Variants in IARS1 observed in about 807,000 individuals in gnomAD.
IARS1 encodes isoleucine--tRNA ligase, cytoplasmic.
IARS1 carries 124 observed loss-of-function variants against 168.2 expected under a neutral mutation model. The ratio of observed to expected loss-of-function variants is 0.74; its 90% confidence interval spans 0.64 to 0.86. The LOEUF (loss-of-function observed/expected upper bound fraction) is 0.86. Ranked by LOEUF, IARS1 falls within the 40% of genes least tolerant of loss-of-function variation. IARS1 has a pLI of 0.00. For missense variants in IARS1, 1,452 were observed against 1,515.8 expected, an observed-to-expected ratio of 0.96 and a Z score of 0.70; for synonymous variants, 532 against 529.4, an observed-to-expected ratio of 1.00 and a Z score of -0.07.
rs777991533 is a variant in IARS1 at position 92,247,543 on chromosome 9, A to G, written c.2625T>C (p.Asn875=). 75 of 1,613,036 alleles carry G rather than the reference A, an allele frequency of 4.6e-5. No individual in the cohort carries two copies. The highest frequency in any genetic ancestry group is 3.3e-4 in the Middle Eastern group (2 of 6,066). Residue 875 remains asparagine, a synonymous_variant, in exon 26 of 34, where the codon AAT becomes AAC. Coordinates refer to ENST00000443024, the MANE Select transcript of IARS1 (RefSeq NM_002161.6). ...SLEKYIIEEL[N]VRKVTLSTDK... is the part of the protein sequence containing the mutation. ...CTGTAGACAGTGTAACTTTTCGAAC[A>G]TTGAGTTCCTACAGTTAATGCACAA...
intron 23 of IARS1, 30 bp from the exon 24 acceptor site, chr9:92,250,319 G>A (rs771802013): frequency 7.3e-7 from 1 of 1,373,724 alleles, no homozygotes; most frequent in South Asian, 1.2e-5. Flanking sequence ...ATATGAAAGA[G>A]TTTAGATTTA....
chr9:92,250,685 G>T, intron 23 of IARS1, 28 bp downstream of exon 23: 1 of 1,573,588 alleles, frequency 6.4e-7, no homozygotes, highest in Non-Finnish European at 8.6e-7. Flanking sequence ...CTTGGCACAG[G>T]TGAGGCTTAT....
At chr9:92,242,410 G>A (rs1828571516) in intron 28 of IARS1, 80 bp from the exon 29 acceptor site, 1 of 1,116,180 alleles carries the variant, frequency 9.0e-7, no homozygotes, top group African/African-American at 1.6e-5. Context: ...TTGAACAAGG[G>A]CTACAGATCC....
Position 92,243,294 on chromosome 9 carries a change from A to T in IARS1, c.2922T>A (p.Asp974Glu). ...HSDAQALVLL[D>E]VTPDQSMVDE... ...CTACCATTGACTGGTCAGGAGTGAC[A>T]TCTAAGAGGACCAAAGCCTGTGGGA... Residue 974 changes from aspartate to glutamate, a missense_variant, in exon 28 of 34, where the codon GAT becomes GAA. Coordinates refer to ENST00000443024, the MANE Select transcript of IARS1 (RefSeq NM_002161.6). The T allele has an allele frequency of 1.2e-6, 2 of 1,613,122 alleles. No homozygotes were observed. Among genetic ancestry groups the T allele is most frequent in the Non-Finnish European group, 1.7e-6 (2 of 1,179,146 alleles).
At chr9:92,221,863 G>A (rs199618245) in intron 33 of IARS1, among the ~76,000 whole-genome samples, 210 of 152,232 alleles carry the variant, frequency 1.4e-3, no homozygotes, top group African/African-American at 4.8e-3. Context: ...TGTAATGTCA[G>A]GCTATTTTAC....
chr9:92,277,258 G>GA (rs1833897087), intron 9 of IARS1, among the ~76,000 whole-genome samples: 1 of 152,114 alleles, frequency 6.6e-6, no homozygotes, highest in African/African-American at 2.4e-5. Flanking sequence ...CCAAGATGGT[G>GA]AAACCCCATC....
intron 8 of IARS1, 111 bp from the exon 9 acceptor site, chr9:92,278,034 T>A: frequency 8.7e-7 from 1 of 1,149,106 alleles, no homozygotes; most frequent in Non-Finnish European, 1.3e-6. Context: ...CCCTAGCCAT[T>A]CATGCTGTAA....
At chr9:92,212,831 G>C (rs1837979207) in intron 33 of IARS1, among the ~76,000 whole-genome samples, 1 of 152,170 alleles carries the variant, frequency 6.6e-6, no homozygotes, top group African/African-American at 2.4e-5. Flanking sequence ...AGAGCAGGAA[G>C]GATCTTGTGT....
chr9:92,283,536 C>T (rs1049995814), intron 6 of IARS1, among the ~76,000 whole-genome samples: 17 of 152,074 alleles, frequency 1.1e-4, no homozygotes, highest in Admixed American at 1.1e-3. Flanking sequence ...CCCAGCTACT[C>T]GGGAGGCTGA....
At chr9:92,243,788 T>A (rs1444332789) in intron 27 of IARS1, among the ~76,000 whole-genome samples, 1 of 152,214 alleles carries the variant, frequency 6.6e-6, no homozygotes, top group Non-Finnish European at 1.5e-5. Context: ...TCAGAACGAC[T>A]CAAGACAAAT....
intron 18 of IARS1, 84 bp downstream of exon 18, chr9:92,260,067 A>C (rs910841150): frequency 1.8e-5 from 17 of 930,734 alleles, no homozygotes; most frequent in Middle Eastern, 2.2e-4. Flanking sequence ...CTATAAACCA[A>C]ATCTAAGAAT....
In IARS1 at chr9:92,285,724, T is replaced by C; in HGVS notation, c.595A>G (p.Lys199Glu). The C allele has an allele frequency of 2.5e-6, 4 of 1,579,318 alleles. No individual in the cohort carries two copies. Among genetic ancestry groups the C allele is most frequent in the Non-Finnish European group, 3.5e-6 (4 of 1,148,284 alleles). ...TAATGTCTCTACATTTCACGTACCT[T>C]ATAATTCTGGTGTGACTCGAAGTTG... is the stretch of plus-strand genomic sequence containing the variant. ...LSNFESHQNY[K>E]DVQDPSVFVT... The change falls in exon 6 of 34, where the codon AAG becomes GAG. Residue 199 changes from lysine to glutamate, a missense_variant and splice_region_variant. Transcript: ENST00000443024.
chr9:92,231,880 T>C (rs1564161618), intron 30 of IARS1, among the ~76,000 whole-genome samples: 1 of 152,228 alleles, frequency 6.6e-6, no homozygotes, highest in Non-Finnish European at 1.5e-5. Flanking sequence ...CAAGTTCATG[T>C]GACTTGGGTA....
chr9:92,222,377 TA>T (rs1320753722), intron 33 of IARS1, 142 bp downstream of exon 33: 8 of 493,574 alleles, frequency 1.6e-5, no homozygotes, highest in Non-Finnish European at 2.7e-5. Flanking sequence ...AAAAGAAAAT[TA>T]TATTATGGTA....
chr9:92,258,774 C>A, intron 19 of IARS1, 80 bp downstream of exon 19: 1 of 1,416,318 alleles, frequency 7.1e-7, no homozygotes, highest in Non-Finnish European at 9.5e-7. Flanking sequence ...AAGTCTCACA[C>A]AGAGCTCCAC....
chr9:92,275,565 G>T (rs1373402223), intron 9 of IARS1, among the ~76,000 whole-genome samples: 4 of 151,664 alleles, frequency 2.6e-5, no homozygotes, highest in African/African-American at 9.8e-5. Flanking sequence ...TAAACAGAAA[G>T]ACAGAATACA....
At position 92,243,897 on chromosome 9, in the gene IARS1, T is replaced by C. The variant is rs1828811539; in HGVS notation, c.2905-586A>G. On this transcript the variant is annotated intron_variant, in intron 27 of 33. Coordinates refer to ENST00000443024, the MANE Select transcript of IARS1 (RefSeq NM_002161.6). ...CTATTCTGAAGGTTGCTGATTATGA[T>C]GTAGCAATAATGACACTATCGCTTC... 2.0e-5 allele frequency among the ~76,000 whole-genome samples: 3 copies of C among 152,366 alleles called. No individual in the cohort carries two copies. In the South Asian group the frequency reaches 6.2e-4, roughly 32 times the overall value.
chr9:92,250,113 T>C, intron 24 of IARS1, 74 bp downstream of exon 24: 1 of 1,049,246 alleles, frequency 9.5e-7, no homozygotes, highest in South Asian at 1.3e-5. Context: ...GGAAGCTCTC[T>C]ATATTAAAAA....
chr9:92,288,107 G>A lies in IARS1; in HGVS notation c.276+19C>T. On this transcript the variant is annotated intron_variant, in intron 3 of 33. Transcript: ENST00000443024. ...ATAAAAAAAATCAGAAAATTATAAAGCTGGATACTCAAACATACCACAGGT... is the reference window on the plus strand; with the variant it reads ...ATAAAAAAAATCAGAAAATTATAAAACTGGATACTCAAACATACCACAGGT... 1 of 1,604,250 alleles carries A rather than the reference G, an allele frequency of 6.2e-7. No homozygotes were observed. The highest frequency in any genetic ancestry group is 8.5e-7 in the Non-Finnish European group (1 of 1,176,490).
Sources: gnomAD v4.1 joint callset for allele counts (sites outside exome capture counted in the v4.1 genomes callset) on GRCh38, gnomAD v4.1.1 for gene constraint, MANE v1.5 for transcripts, NCBI Gene and HGNC (gene_info 2026-07-23, HGNC 2026-07-21) for gene names.